Variants in ECT2L observed in about 807,000 individuals in gnomAD.
ECT2L encodes the protein epithelial cell transforming 2 like.
ECT2L carries 126 observed loss-of-function variants against 122.8 expected under a neutral mutation model. That is an observed-to-expected ratio of 1.03 (90% CI 0.89 to 1.19). The LOEUF (loss-of-function observed/expected upper bound fraction) is 1.19. Ranked by LOEUF, ECT2L falls within the 50% of genes most tolerant of loss-of-function variation. The pLI is 0.00. For synonymous variants in ECT2L, 385 were observed against 381.8 expected, an observed-to-expected ratio of 1.01 and a Z score of -0.10; for missense variants, 1,012 against 1,064.1, an observed-to-expected ratio of 0.95 and a Z score of 0.68.
chr6:138,817,288 T>C (rs1776101125), intron 4 of ECT2L, among the ~76,000 whole-genome samples: 1 of 152,228 alleles, frequency 6.6e-6, no homozygotes, highest in South Asian at 2.1e-4. Context: ...CTCTTAGCTA[T>C]ACATATAGGA....
At chr6:138,887,571 A>T (rs1778871115) in intron 19 of ECT2L, among the ~76,000 whole-genome samples, 1 of 152,148 alleles carries the variant, frequency 6.6e-6, no homozygotes, top group South Asian at 2.1e-4. Flanking sequence ...CTGGTGCAGG[A>T]TTCTGCACCC....
At chr6:138,802,196 G>C (rs1299423654) in intron 1 of ECT2L, among the ~76,000 whole-genome samples, 2 of 152,218 alleles carry the variant, frequency 1.3e-5, no homozygotes, top group East Asian at 3.9e-4. Context: ...CAACAGTTTA[G>C]GAGGAACTGT....
chr6:138,899,109 T>A (rs1779310213), intron 20 of ECT2L, among the ~76,000 whole-genome samples: 1 of 151,676 alleles, frequency 6.6e-6, no homozygotes, highest in Non-Finnish European at 1.5e-5. Flanking sequence ...ACTTTGTTTC[T>A]ATGTAAGAAA....
chr6:138,814,931 G>A (rs1389472012), intron 4 of ECT2L, among the ~76,000 whole-genome samples: 1 of 152,196 alleles, frequency 6.6e-6, no homozygotes, highest in Non-Finnish European at 1.5e-5. Context: ...ATTGCAAATG[G>A]ATGTCTGGGA....
intron 18 of ECT2L, 61 bp from the exon 19 acceptor site, chr6:138,886,792 CTATT>C (rs1400218000): frequency 1.8e-6 from 2 of 1,115,404 alleles, no homozygotes; most frequent in African/African-American, 1.6e-5. Context: ...ATATTTTAAT[CTATT>C]TCTTTTATGA....
intron 16 of ECT2L, among the ~76,000 whole-genome samples, chr6:138,883,720 T>C (rs1263016645): frequency 6.6e-6 from 1 of 152,218 alleles, no homozygotes; most frequent in Non-Finnish European, 1.5e-5. Flanking sequence ...GAACCGACCT[T>C]GGAGACAAGG....
At chr6:138,812,066 G>C (rs1388637310) in intron 1 of ECT2L, among the ~76,000 whole-genome samples, 1 of 152,156 alleles carries the variant, frequency 6.6e-6, no homozygotes, top group Admixed American at 6.5e-5. Context: ...AGGAAAAGGA[G>C]AAGCAGAAAG....
At chr6:138,816,088 A>G (rs1028419061) in intron 4 of ECT2L, among the ~76,000 whole-genome samples, 1 of 152,210 alleles carries the variant, frequency 6.6e-6, no homozygotes, top group African/African-American at 2.4e-5. Flanking sequence ...AAGACATTTT[A>G]TGATAGTCAT....
At position 138,882,772 on chromosome 6, in the gene ECT2L, T is replaced by C. The variant is rs1455073395; in HGVS notation, c.1929T>C (p.Ala643=). Residue 643 remains alanine (A), a synonymous_variant, in exon 16 of 22, where the codon GCT becomes GCC. Coordinates refer to ENST00000541398, the MANE Select transcript of ECT2L (RefSeq NM_001077706.3). ...ACAGACTGCAGGAATGGGGCCCAGC[T>C]CACTGTGTGGGAGAAATAGTCACGA... ...LRDRLQEWGP[A]HCVGEIVTKF... 6.2e-7 allele frequency: 1 copy of C among 1,614,082 alleles called. No homozygotes were observed. The highest frequency in any genetic ancestry group is 8.5e-7 in the Non-Finnish European group (1 of 1,180,028).
intron 12 of ECT2L, among the ~76,000 whole-genome samples, chr6:138,867,030 C>T (rs1042528342): frequency 2.0e-5 from 3 of 151,664 alleles, no homozygotes; most frequent in Admixed American, 6.6e-5. Context: ...GCTGAGATCG[C>T]GTCACTGCAC....
At chr6:138,841,091 T>C (rs1428955469) in intron 5 of ECT2L, among the ~76,000 whole-genome samples, 1 of 152,214 alleles carries the variant, frequency 6.6e-6, no homozygotes, top group African/African-American at 2.4e-5. Flanking sequence ...ATATTTTCAG[T>C]TCTAGAATAT....
chr6:138,882,953 A>G lies in ECT2L; in HGVS notation c.2028+82A>G, dbSNP rs907223501. The stretch of plus-strand genomic sequence containing the variant: ...TGTGGAACCCGAAAGACCAGCGTTA[A>G]TAAGAAAGGCTTCTCTGCTCTTAGC... On this transcript the variant is annotated intron_variant, in intron 16 of 21. Transcript: ENST00000541398. 3 of 1,447,838 alleles carry G rather than the reference A, an allele frequency of 2.1e-6. No homozygotes were observed. In the African/African-American group the frequency reaches 4.2e-5, roughly 20 times the overall value. The allele number at this position is 1,447,838 out of a possible 1,614,324, so 89.7% of individuals were successfully genotyped here. A position where few individuals can be genotyped will look rare whatever the true frequency, so the allele number is the denominator to read the frequency against.
intron 4 of ECT2L, among the ~76,000 whole-genome samples, chr6:138,834,935 ACT>A (rs1554271415): frequency 2.8e-5 from 4 of 142,868 alleles, no homozygotes; most frequent in East Asian, 4.2e-4. Context: ...ACACACACAC[ACT>A]CTCATTCTCT....
chr6:138,844,526 A>C lies in ECT2L; in HGVS notation c.710A>C (p.His237Pro), dbSNP rs762368842. 210 of 1,614,092 alleles carry C rather than the reference A, an allele frequency of 1.3e-4. No individual in the cohort carries two copies. The highest frequency in any genetic ancestry group is 1.8e-4 in the Non-Finnish European group (209 of 1,180,038). The part of the protein sequence containing the change: ...SQTVRERVGL[H>P]EALEKQLVLT... ...ACTGTAAGGGAGCGAGTGGGATTAC[A>C]TGAAGCTTTGGAGAAACAGCTTGTT... Residue 237 changes from histidine to proline, a missense_variant, in exon 7 of 22, where the codon CAT becomes CCT. Transcript: ENST00000541398.
At chr6:138,901,938 A>G (rs1779408932) in intron 21 of ECT2L, among the ~76,000 whole-genome samples, 1 of 152,250 alleles carries the variant, frequency 6.6e-6, no homozygotes, top group African/African-American at 2.4e-5. Context: ...AAGAATGAGT[A>G]TTTCCACCTA....
At chr6:138,832,762 A>C (rs1397807271) in intron 4 of ECT2L, among the ~76,000 whole-genome samples, 1 of 149,164 alleles carries the variant, frequency 6.7e-6, no homozygotes, top group Non-Finnish European at 1.5e-5. Flanking sequence ...TTTTTTTTTT[A>C]ATTTATAACT....
intron 12 of ECT2L, among the ~76,000 whole-genome samples, chr6:138,865,779 G>A (rs1466589565): frequency 6.6e-6 from 1 of 152,106 alleles, no homozygotes; most frequent in Non-Finnish European, 1.5e-5. Context: ...CACCATCTAG[G>A]TAAAGAGTTT....
intron 13 of ECT2L, among the ~76,000 whole-genome samples, chr6:138,873,594 G>A (rs1778328358): frequency 6.6e-6 from 1 of 152,166 alleles, no homozygotes; most frequent in Non-Finnish European, 1.5e-5. Context: ...AGGAGTTTGA[G>A]ACCAGTCTGG....
At chr6:138,825,156 G>T (rs924160573) in intron 4 of ECT2L, among the ~76,000 whole-genome samples, 1 of 152,190 alleles carries the variant, frequency 6.6e-6, no homozygotes, top group Admixed American at 6.5e-5. Flanking sequence ...GAGTCTGAAG[G>T]ATGAGTAGGA....
Sources: allele counts gnomAD v4.1 joint callset (sites outside exome capture counted in the v4.1 genomes callset), GRCh38; gene constraint gnomAD v4.1.1; transcripts MANE v1.5; gene names NCBI Gene and HGNC (gene_info 2026-07-23, HGNC 2026-07-21).